CACNA1C: variants seen among roughly 807,000 people sequenced by gnomAD.
CACNA1C encodes voltage-dependent L-type calcium channel subunit alpha-1C.
Under a neutral mutation model 229.0 loss-of-function variants are expected in CACNA1C, and 30 were observed. The ratio of observed to expected loss-of-function variants is 0.13; its 90% confidence interval spans 0.10 to 0.18. CACNA1C has a LOEUF of 0.18. Among genes scored for constraint, CACNA1C ranks in the 10% least tolerant of loss-of-function variants. The probability of loss-of-function intolerance (pLI) is 1.00; values close to 1 mark genes in which losing one functional copy is unlikely to be tolerated. For missense variants in CACNA1C, 1,658 were observed against 2,845.0 expected, an observed-to-expected ratio of 0.58 and a Z score of 9.49; for synonymous variants, 1,114 against 1,132.5, an observed-to-expected ratio of 0.98 and a Z score of 0.33.
At chr12:2,607,305 G>A in intron 26 of CACNA1C, 175 bp downstream of exon 26, 1 of 595,662 alleles carries the variant, frequency 1.7e-6, no homozygotes, top group Non-Finnish European at 2.8e-6. Context: ...TGTCACTGCT[G>A]AAACCGACTC....
chr12:2,178,353 G>A (rs918139320), intron 3 of CACNA1C, among the ~76,000 whole-genome samples: 1 of 152,218 alleles, frequency 6.6e-6, no homozygotes, highest in African/African-American at 2.4e-5. Context: ...AAGGGGCCAT[G>A]CACTAACTGT....
chr12:2,164,462 T>C (rs911330921), intron 3 of CACNA1C, among the ~76,000 whole-genome samples: 1 of 152,236 alleles, frequency 6.6e-6, no homozygotes, highest in Non-Finnish European at 1.5e-5. Flanking sequence ...TTAAGGTCCA[T>C]TTCAAATTCA....
rs1191033176 is a variant in CACNA1C at position 2,585,128 on chromosome 12, T to G, written c.2340-248T>G. ...ATGAGATCCACCATCCTTTTCTGCT[T>G]TGGCGACCCAGGCATCTCTGGAGCT... On this transcript the variant is annotated intron_variant, in intron 16 of 46. Coordinates refer to ENST00000399655, the MANE Select transcript of CACNA1C (RefSeq NM_000719.7). This position sits in a 1 kb window ranked among gnomAD's most constrained non-coding sequence, Gnocchi z 4.1. 3.9e-5 allele frequency among the ~76,000 whole-genome samples: 6 copies of G among 152,196 alleles called. No individual in the cohort carries two copies. Among genetic ancestry groups the G allele is most frequent in the Admixed American group, 3.9e-4 (6 of 15,288 alleles).
Position 2,666,872 on chromosome 12 carries a change from C to G in CACNA1C, c.4623+90C>G. On this transcript the variant is annotated intron_variant, in intron 37 of 46. Coordinates refer to ENST00000399655, the MANE Select transcript of CACNA1C (RefSeq NM_000719.7). The surrounding 1 kb of genome is among the most constrained non-coding windows in gnomAD (Gnocchi z 5.3). ...GTGATCCTTTAAGGGAATGAACATACTAGTTTATGTGCCTAAAGATTACAT... is the reference window on the plus strand; with the variant it reads ...GTGATCCTTTAAGGGAATGAACATAGTAGTTTATGTGCCTAAAGATTACAT... The G allele has an allele frequency of 1.3e-6, 1 of 786,616 alleles. No individual in the cohort carries two copies. The highest frequency in any genetic ancestry group is 1.5e-5 in the South Asian group (1 of 68,346). The allele number at this position is 786,616 out of a possible 1,614,324, so 48.7% of individuals were successfully genotyped here.
intron 9 of CACNA1C, among the ~76,000 whole-genome samples, chr12:2,514,640 T>C (rs1413159267): frequency 6.6e-6 from 1 of 152,190 alleles, no homozygotes; most frequent in Admixed American, 6.5e-5. Context: ...GGCTCCTGGC[T>C]CCACCCTAAG....
rs112680750 is a variant in CACNA1C at position 2,120,656 on chromosome 12, CTG to C, written c.477+266_477+267del. ...TATTCCAGTTAGGTGGTGGTGAGCT[CTG>C]TGTGTGTGTGTGTGTGTGTGTGTGT... On this transcript the variant is annotated intron_variant, in intron 3 of 46. Coordinates refer to ENST00000399655, the MANE Select transcript of CACNA1C (RefSeq NM_000719.7). Among the ~76,000 whole-genome samples, 14,145 of 139,660 alleles carry C rather than the reference CTG, an allele frequency of 0.1. 756 individuals carry two copies. Among genetic ancestry groups the C allele is most frequent in the Middle Eastern group, 0.17 (46 of 274 alleles). The allele number at this position is 139,660 out of a possible 152,430, so 91.6% of individuals were successfully genotyped here. A position where few individuals can be genotyped will look rare whatever the true frequency, so the allele number is the denominator to read the frequency against.
chr12:2,442,883 C>A (rs1428623405), intron 3 of CACNA1C, among the ~76,000 whole-genome samples: 7 of 152,150 alleles, frequency 4.6e-5, no homozygotes, highest in Non-Finnish European at 1.0e-4. Flanking sequence ...AGGGGATGGG[C>A]TAAGCCTTTC....
chr12:2,191,700 G>T (rs546178825), intron 3 of CACNA1C, among the ~76,000 whole-genome samples: 1 of 148,080 alleles, frequency 6.8e-6, no homozygotes, highest in East Asian at 2.0e-4. Flanking sequence ...CCAGGCACAT[G>T]CACACATGGT....
chr12:2,535,865 G>T (rs542638860), intron 9 of CACNA1C, among the ~76,000 whole-genome samples: 1 of 152,154 alleles, frequency 6.6e-6, no homozygotes, highest in Admixed American at 6.5e-5. Context: ...CAAAGGACAC[G>T]CTACATAGCA....
In CACNA1C at chr12:2,544,251, G is replaced by A. The variant is rs79149900; in HGVS notation, c.1391-5692G>A. Among the ~76,000 whole-genome samples the A allele has an allele frequency of 1.5e-4, 23 of 152,222 alleles. No individual in the cohort carries two copies. The East Asian group carries it at 3.7e-3, about 24-fold the overall frequency. On this transcript the variant is annotated intron_variant, in intron 9 of 46. Coordinates refer to ENST00000399655, the MANE Select transcript of CACNA1C (RefSeq NM_000719.7). Reference sequence around the variant, plus strand: ...GATCTTCAGGTTAAAAATAGGCATGGCCCTTTTCTATCACTAGCCAGTCTC... The same window carrying A: ...GATCTTCAGGTTAAAAATAGGCATGACCCTTTTCTATCACTAGCCAGTCTC...
At chr12:2,574,061 T>C (rs78488802) in intron 13 of CACNA1C, among the ~76,000 whole-genome samples, 9,673 of 152,208 alleles carry the variant, frequency 0.064, 342 homozygotes, top group African/African-American at 0.078. Context: ...TGTATGAATA[T>C]CATTCATCCT....
At chr12:2,299,359 T>C (rs930934759) in intron 3 of CACNA1C, among the ~76,000 whole-genome samples, 1 of 152,144 alleles carries the variant, frequency 6.6e-6, no homozygotes, top group African/African-American at 2.4e-5. Context: ...CTAAAAACGT[T>C]TTCCGGTGTA....
At position 2,139,900 on chromosome 12, in the gene CACNA1C, C is replaced by T. The variant is rs958039011; in HGVS notation, c.477+19470C>T. Among the ~76,000 whole-genome samples, 7 of 151,280 alleles carry T rather than the reference C, an allele frequency of 4.6e-5. No homozygotes were observed. In the East Asian group the frequency reaches 5.8e-4, roughly 13 times the overall value. Reference sequence around the variant, plus strand: ...CCCTGGCTTCTGGATCCCTAAGCACCGAGGCCATCCAGGGAAGGGCTGGCC... The same window carrying T: ...CCCTGGCTTCTGGATCCCTAAGCACTGAGGCCATCCAGGGAAGGGCTGGCC... On this transcript the variant is annotated intron_variant, in intron 3 of 46. Coordinates refer to ENST00000399655, the MANE Select transcript of CACNA1C (RefSeq NM_000719.7).
intron 3 of CACNA1C, among the ~76,000 whole-genome samples, chr12:2,176,811 G>A (rs529807191): frequency 3.9e-5 from 6 of 152,266 alleles, no homozygotes; most frequent in Admixed American, 6.5e-5. Context: ...TGGGATACAC[G>A]AGGACAATGC....
At chr12:2,257,195 A>G (rs1044765903) in intron 3 of CACNA1C, among the ~76,000 whole-genome samples, 4 of 152,276 alleles carry the variant, frequency 2.6e-5, no homozygotes, top group South Asian at 2.1e-4. Context: ...AGTTGTGACT[A>G]TCACTTTCAC....
chr12:2,578,953 C>T (rs1349360755), intron 13 of CACNA1C, among the ~76,000 whole-genome samples: 1 of 152,152 alleles, frequency 6.6e-6, no homozygotes, highest in African/African-American at 2.4e-5. Context: ...GTTCTCCCCT[C>T]TTAGAGACTG....
At chr12:2,606,798 C>A (rs1366302327) in intron 25 of CACNA1C, 135 bp downstream of exon 25, 3 of 932,766 alleles carry the variant, frequency 3.2e-6, no homozygotes, top group African/African-American at 3.3e-5. Flanking sequence ...GTCATCTGGC[C>A]TCACGGACAC....
intron 1 of CACNA1C, among the ~76,000 whole-genome samples, chr12:2,020,943 C>T (rs565200193): frequency 1.2e-4 from 18 of 152,250 alleles, no homozygotes; most frequent in African/African-American, 4.3e-4. Context: ...AACTTCTGCT[C>T]AGTGGCCAGG....
intron 1 of CACNA1C, among the ~76,000 whole-genome samples, chr12:2,100,863 G>A (rs1292243831): frequency 6.6e-6 from 1 of 151,756 alleles, no homozygotes; most frequent in Non-Finnish European, 1.5e-5. Flanking sequence ...GACCAGCCTG[G>A]GCAACAGGGT....
Sources: allele counts gnomAD v4.1 joint callset (sites outside exome capture counted in the v4.1 genomes callset), GRCh38; gene constraint gnomAD v4.1.1; non-coding constraint Gnocchi (gnomAD v3.1); transcripts MANE v1.5; gene names NCBI Gene and HGNC (gene_info 2026-07-23, HGNC 2026-07-21).